Variants in PRKAR1B observed in about 807,000 individuals in gnomAD.
PRKAR1B encodes the protein cAMP-dependent protein kinase type I-beta regulatory subunit.
A neutral mutation model predicts 46.5 loss-of-function variants in PRKAR1B; 22 were observed. The ratio of observed to expected loss-of-function variants is 0.47; its 90% CI spans 0.34 to 0.68. The LOEUF (loss-of-function observed/expected upper bound fraction) is 0.68. PRKAR1B is among the 30% of genes least tolerant of loss of function. The probability of loss-of-function intolerance (pLI) is 0.01; values close to 1 mark genes in which losing one functional copy is unlikely to be tolerated. For missense variants in PRKAR1B, 445 were observed against 535.6 expected (o/e 0.83, Z 1.67); for synonymous variants, 259 against 217.7 (o/e 1.19, Z -1.67).
chr7:589,528 T>C (rs1399135143), intron 7 of PRKAR1B, among the ~76,000 whole-genome samples: 3 of 152,050 alleles, frequency 2.0e-5, no homozygotes, highest in Admixed American at 2.0e-4. Context: ...ATCCACACTT[T>C]CAGCTGAGCC....
Position 722,515 on chromosome 7 carries a change from G to A in PRKAR1B, c.-23+4695C>T, listed in dbSNP as rs558870352. On this transcript the variant is annotated intron_variant, in intron 1 of 10. Transcript: ENST00000537384. The stretch of plus-strand genomic sequence containing the variant: ...GCCTCACAAAGTGCTGGGATGACAG[G>A]CGTGAGCCACCGCGCCTGGCTAATT... 3.2e-4 allele frequency among the ~76,000 whole-genome samples: 48 copies of A among 151,070 alleles called. 1 individual carries two copies. The South Asian group carries it at 8.0e-3, about 25-fold the overall frequency.
rs1017982864 is a variant in PRKAR1B, at chr7:583,475, A to G, written c.769+1033T>C. 5.1e-4 allele frequency among the ~76,000 whole-genome samples: 67 copies of G among 132,266 alleles called. 2 individuals are homozygous for G. The highest frequency in any genetic ancestry group is 9.7e-4 in the Non-Finnish European group (59 of 60,826). The allele number at this position is 132,266 out of a possible 152,430, so 86.8% of individuals were successfully genotyped here. ...CACCCACTCACACACGTGCACTCAC[A>G]CCCACGCACACACGTGTGTGCACAC... On this transcript the variant is annotated intron_variant, in intron 8 of 10. Coordinates refer to ENST00000537384, the MANE Select transcript of PRKAR1B (RefSeq NM_001164760.2).
intron 2 of PRKAR1B, among the ~76,000 whole-genome samples, chr7:697,483 G>A (rs1306769629): frequency 6.6e-6 from 1 of 152,150 alleles, no homozygotes; most frequent in African/African-American, 2.4e-5. Flanking sequence ...GGCTTCCACG[G>A]GGTCATCCAC....
intron 2 of PRKAR1B, among the ~76,000 whole-genome samples, chr7:692,428 C>CAGAGAGAG (rs138479588): frequency 2.1e-3 from 317 of 148,548 alleles, no homozygotes; most frequent in African/African-American, 7.4e-3. Flanking sequence ...GACAGAGAGA[C>CAGAGAGAG]AGAGAGAGAG....
intron 9 of PRKAR1B, among the ~76,000 whole-genome samples, chr7:558,534 T>C (rs1377623431): frequency 2.0e-5 from 3 of 151,938 alleles, no homozygotes; most frequent in Admixed American, 6.6e-5. Context: ...GGTGGGCAGA[T>C]CACCTGAGGT....
At chr7:697,236 A>T (rs1462592095) in intron 2 of PRKAR1B, 1 of 152,110 alleles carries the variant, frequency 6.6e-6, no homozygotes. Flanking sequence ...AGCCCAGAAA[A>T]GAAAATATCT....
chr7:646,448 T>C (rs1784626636), intron 4 of PRKAR1B, among the ~76,000 whole-genome samples: 1 of 152,214 alleles, frequency 6.6e-6, no homozygotes, highest in Non-Finnish European at 1.5e-5. Context: ...GCTTCTGCAA[T>C]TCCAAGTGCC....
At chr7:640,521 G>A (rs182811013) in intron 4 of PRKAR1B, among the ~76,000 whole-genome samples, 2 of 152,272 alleles carry the variant, frequency 1.3e-5, no homozygotes, top group Admixed American at 6.5e-5. Flanking sequence ...CCAGCACTTC[G>A]GGAGGCCGAG....
At chr7:673,239 G>A (rs1011019212) in intron 4 of PRKAR1B, among the ~76,000 whole-genome samples, 2 of 151,978 alleles carry the variant, frequency 1.3e-5, no homozygotes, top group African/African-American at 2.4e-5. Flanking sequence ...GGGTCCCTTC[G>A]TGATCTTCCA....
intron 2 of PRKAR1B, chr7:691,567 C>T (rs769923061): frequency 1.8e-5 from 24 of 1,304,324 alleles, no homozygotes; most frequent in Non-Finnish European, 2.0e-5. Flanking sequence ...CACGCCCTTC[C>T]GCCTACACGC....
chr7:558,232 G>A (rs1226793035), intron 9 of PRKAR1B, among the ~76,000 whole-genome samples: 1 of 150,928 alleles, frequency 6.6e-6, no homozygotes, highest in South Asian at 2.1e-4. Flanking sequence ...AGGCTGAGGT[G>A]CGAGGATCGC....
chr7:697,556 G>A (rs998185692), intron 2 of PRKAR1B, among the ~76,000 whole-genome samples: 3 of 152,118 alleles, frequency 2.0e-5, no homozygotes, highest in Non-Finnish European at 4.4e-5. Context: ...TCCATGAGCG[G>A]CCCTAAGACA....
intron 4 of PRKAR1B, among the ~76,000 whole-genome samples, chr7:675,735 C>T (rs748053973): frequency 1.4e-4 from 22 of 152,272 alleles, no homozygotes; most frequent in Non-Finnish European, 2.5e-4. Flanking sequence ...ATCATGAGGT[C>T]AGGAGTTCGA....
At chr7:584,836 CA>C (rs1780508065) in intron 7 of PRKAR1B, among the ~76,000 whole-genome samples, 1 of 152,086 alleles carries the variant, frequency 6.6e-6, no homozygotes, top group Admixed American at 6.5e-5. Flanking sequence ...CCCACCCAGC[CA>C]GGACCCGTGG....
Position 726,747 on chromosome 7 carries a change from C to T in PRKAR1B, c.-23+463G>A, listed in dbSNP as rs557885420. On this transcript the variant is annotated intron_variant, in intron 1 of 10. Transcript: ENST00000537384. ...TGGCGGCGCTGGGGGTGGCGGAGGC[C>T]GTGGCGGCCCCACACCCGGCTGAGG... 5.3e-5 allele frequency: 66 copies of T among 1,245,316 alleles called. No individual in the cohort carries two copies. In the African/African-American group the frequency reaches 6.8e-4, roughly 13 times the overall value. 77.1% of individuals were successfully genotyped at this position (1,245,316 alleles called of 1,614,324 possible).
chr7:689,793 C>T (rs1173132752), intron 2 of PRKAR1B, among the ~76,000 whole-genome samples: 3 of 151,950 alleles, frequency 2.0e-5, no homozygotes, highest in Non-Finnish European at 4.4e-5. Context: ...CATTCTCCTG[C>T]CTCAGCCTCT....
At chr7:709,316 C>A (rs1780496647) in intron 2 of PRKAR1B, among the ~76,000 whole-genome samples, 1 of 150,576 alleles carries the variant, frequency 6.6e-6, no homozygotes, top group South Asian at 2.1e-4. Context: ...TCCACGTATG[C>A]ATGTATGTAT....
intron 4 of PRKAR1B, among the ~76,000 whole-genome samples, chr7:636,345 CCCACACG>C (rs1784079558): frequency 5.7e-5 from 1 of 17,696 alleles, no homozygotes; most frequent in African/African-American, 2.9e-4. Context: ...ACCGGCCGCG[CCCACACG>C]TCCTCCACCG....
In PRKAR1B at chr7:607,479, G is replaced by T. The variant is rs367970366; in HGVS notation, c.441-27C>A. The T allele has an allele frequency of 2.3e-5, 37 of 1,602,268 alleles. No individual in the cohort carries two copies. The African/African-American group carries it at 4.4e-4, about 19-fold the overall frequency. ...TGAAAAGCAAAACACGCCAAATTAG[G>T]GCTGCAGGCAGCACAGGGACATTTA... On this transcript the variant is annotated intron_variant, in intron 4 of 10. Coordinates refer to ENST00000537384, the MANE Select transcript of PRKAR1B (RefSeq NM_001164760.2).
Sources: allele counts gnomAD v4.1 joint callset (sites outside exome capture counted in the v4.1 genomes callset), GRCh38; gene constraint gnomAD v4.1.1; transcripts MANE v1.5; gene names NCBI Gene and HGNC (gene_info 2026-07-23, HGNC 2026-07-21).